HIVEP2: variants seen among roughly 807,000 people sequenced by gnomAD.
The protein encoded by HIVEP2 is HIVEP zinc finger 2, also known as transcription factor HIVEP2.
A neutral mutation model predicts 180.7 loss-of-function variants in HIVEP2; 14 were observed. The ratio of observed to expected loss-of-function variants is 0.08; its 90% CI spans 0.05 to 0.12. HIVEP2 has a LOEUF of 0.12. Among genes scored for constraint, HIVEP2 ranks in the 10% least tolerant of loss-of-function variants. HIVEP2 has a pLI of 1.00. For synonymous variants in HIVEP2, 1,184 were observed against 1,136.4 expected, an observed-to-expected ratio of 1.04 and a Z score of -0.84; for missense variants, 2,579 against 3,008.5, an observed-to-expected ratio of 0.86 and a Z score of 3.34.
intron 2 of HIVEP2, among the ~76,000 whole-genome samples, chr6:142,803,106 C>A (rs910260922): frequency 6.6e-6 from 1 of 152,044 alleles, no homozygotes; most frequent in Non-Finnish European, 1.5e-5. Context: ...TGCATTTGAC[C>A]AGGTCAAGAT....
chr6:142,820,105 A>G lies in HIVEP2; in HGVS notation c.-528+16830T>C, dbSNP rs531025315. On this transcript the variant is annotated intron_variant, in intron 2 of 9. Transcript: ENST00000367603. ...ACATACATCATACCACTTCCCCTATAGAAAAAAGAAAGCAGCCCGATTTAA... is the reference window on the plus strand; with the variant it reads ...ACATACATCATACCACTTCCCCTATGGAAAAAAGAAAGCAGCCCGATTTAA... 2.0e-5 allele frequency among the ~76,000 whole-genome samples: 3 copies of G among 152,288 alleles called. No homozygotes were observed. In the South Asian group the frequency reaches 6.2e-4, roughly 32 times the overall value.
intron 1 of HIVEP2, among the ~76,000 whole-genome samples, chr6:142,920,408 G>T (rs1036352898): frequency 1.3e-5 from 2 of 152,096 alleles, no homozygotes; most frequent in Non-Finnish European, 2.9e-5. Context: ...GTCCACTCTT[G>T]TACTATCCAG....
At chr6:142,918,145 T>C (rs1431452335) in intron 1 of HIVEP2, among the ~76,000 whole-genome samples, 1 of 152,200 alleles carries the variant, frequency 6.6e-6, no homozygotes, top group Non-Finnish European at 1.5e-5. Context: ...TCAGTCTCAA[T>C]ACCTTTTTCC....
At chr6:142,941,911 C>T (rs191871795) in intron 1 of HIVEP2, among the ~76,000 whole-genome samples, 55 of 152,222 alleles carry the variant, frequency 3.6e-4, no homozygotes, top group Admixed American at 1.6e-3. Context: ...CAGAGAGTTC[C>T]GCTGATGCTG....
chr6:142,771,988 T>C lies in HIVEP2; in HGVS notation c.2751A>G (p.Glu917=). 9 of 1,614,222 alleles carry C rather than the reference T, an allele frequency of 5.6e-6. No homozygotes were observed. The highest frequency in any genetic ancestry group is 1.7e-5 in the Admixed American group (1 of 60,028). The change falls in exon 5 of 10, where the codon GAA becomes GAG. Residue 917 remains glutamate (E), a synonymous_variant. Coordinates refer to ENST00000367603, the MANE Select transcript of HIVEP2 (RefSeq NM_006734.4). This position sits in a 1 kb window ranked among gnomAD's most constrained non-coding sequence, Gnocchi z 5.4. ...QSKEPEKPVE[E]FQWPQRSETL... Reference sequence around the variant, plus strand: ...TCTCACTTCTCTGGGGCCACTGAAATTCTTCCACAGGCTTCTCTGGCTCTT... The same window carrying C: ...TCTCACTTCTCTGGGGCCACTGAAACTCTTCCACAGGCTTCTCTGGCTCTT...
intron 1 of HIVEP2, among the ~76,000 whole-genome samples, chr6:142,857,029 T>A (rs1455417880): frequency 3.3e-5 from 5 of 152,224 alleles, no homozygotes; most frequent in Non-Finnish European, 1.5e-5. Context: ...TGATCATTTT[T>A]CTCATGTTGT....
chr6:142,751,919 C>T lies in HIVEP2; in HGVS notation c.*1188G>A, dbSNP rs1774932176. On this transcript the variant is annotated 3_prime_UTR_variant, in exon 10 of 10. Transcript: ENST00000367603. ...GGTCTCCATCTCCTTTTCCCCCTTC[C>T]ACACCCAACCCTCAGAGTCCAAGTG... 6.5e-6 allele frequency: 1 copy of T among 152,992 alleles called. No homozygotes were observed. Among genetic ancestry groups the T allele is most frequent in the Admixed American group, 6.5e-5 (1 of 15,278 alleles). The allele number at this position is 152,992 out of a possible 1,614,324, so 9.5% of individuals were successfully genotyped here.
intron 2 of HIVEP2, among the ~76,000 whole-genome samples, chr6:142,812,934 G>C (rs570911103): frequency 1.1e-4 from 16 of 152,214 alleles, no homozygotes; most frequent in African/African-American, 3.6e-4. Context: ...AAGTGAAACA[G>C]ACAAAATACT....
At chr6:142,885,578 GA>G (rs1324936850) in intron 1 of HIVEP2, among the ~76,000 whole-genome samples, 1 of 152,086 alleles carries the variant, frequency 6.6e-6, no homozygotes, top group African/African-American at 2.4e-5. Context: ...AGTCACCAGA[GA>G]AAATACCCAC....
intron 2 of HIVEP2, among the ~76,000 whole-genome samples, chr6:142,829,421 T>C (rs1304958969): frequency 6.6e-6 from 1 of 152,206 alleles, no homozygotes; most frequent in Non-Finnish European, 1.5e-5. Flanking sequence ...AAATACTTCC[T>C]GCTCCCCAAG....
intron 1 of HIVEP2, among the ~76,000 whole-genome samples, chr6:142,844,633 A>T (rs1443595734): frequency 6.6e-6 from 1 of 152,180 alleles, no homozygotes; most frequent in African/African-American, 2.4e-5. Flanking sequence ...AATTTAGGCA[A>T]TGAATTACGG....
At chr6:142,780,261 G>A (rs113908267) in intron 3 of HIVEP2, among the ~76,000 whole-genome samples, 1 of 152,198 alleles carries the variant, frequency 6.6e-6, no homozygotes, top group Admixed American at 6.5e-5. Flanking sequence ...CTCCTGGGTT[G>A]TGCGGGAAGA....
chr6:142,813,573 GTTTTTTTTTTT>G (rs1197621182), intron 2 of HIVEP2, among the ~76,000 whole-genome samples: 1 of 131,296 alleles, frequency 7.6e-6, no homozygotes, highest in Non-Finnish European at 1.6e-5. Context: ...TCAGTTCAGA[GTTTTTTTTTTT>G]TTTTTTTTGA....
intron 2 of HIVEP2, among the ~76,000 whole-genome samples, chr6:142,834,510 T>C (rs1775174485): frequency 6.6e-6 from 1 of 152,164 alleles, no homozygotes; most frequent in African/African-American, 2.4e-5. Context: ...ATATATCCAA[T>C]GTAGTGACAG....
intron 1 of HIVEP2, among the ~76,000 whole-genome samples, chr6:142,891,702 T>G (rs1323706892): frequency 1.3e-5 from 2 of 152,122 alleles, no homozygotes; most frequent in Non-Finnish European, 2.9e-5. Context: ...ATGAGAGACT[T>G]TGAGTCACTC....
Position 142,787,883 on chromosome 6 carries a change from AG to A in HIVEP2, c.-527-4269del, listed in dbSNP as rs552736580. On this transcript the variant is annotated intron_variant, in intron 2 of 9. Transcript: ENST00000367603. ...TTCATTACTGGGACAACAATGTAGA[AG>A]GTTTTGAAAAGTCAAGAAGGTGCAT... 4.5e-3 allele frequency among the ~76,000 whole-genome samples: 689 copies of A among 152,310 alleles called. 4 individuals are homozygous for A. Among genetic ancestry groups the A allele is most frequent in the African/African-American group, 0.016 (652 of 41,568 alleles).
chr6:142,847,528 T>C (rs1212377955), intron 1 of HIVEP2, among the ~76,000 whole-genome samples: 1 of 152,208 alleles, frequency 6.6e-6, no homozygotes, highest in Non-Finnish European at 1.5e-5. Flanking sequence ...CCAAACTCCT[T>C]ATAAAAACCC....
intron 1 of HIVEP2, among the ~76,000 whole-genome samples, chr6:142,885,366 G>A (rs552834859): frequency 7.0e-4 from 104 of 147,924 alleles, no homozygotes; most frequent in Admixed American, 1.9e-3. Context: ...CCCCATCATC[G>A]CTGGAGAATA....
At chr6:142,848,129 T>C (rs528142558) in intron 1 of HIVEP2, among the ~76,000 whole-genome samples, 11 of 152,346 alleles carry the variant, frequency 7.2e-5, no homozygotes, top group Admixed American at 2.6e-4. Flanking sequence ...AGGATTCCAA[T>C]AGCAAACTTT....
Sources: allele counts gnomAD v4.1 joint callset (sites outside exome capture counted in the v4.1 genomes callset), GRCh38; gene constraint gnomAD v4.1.1; non-coding constraint Gnocchi (gnomAD v3.1); transcripts MANE v1.5; gene names NCBI Gene and HGNC (gene_info 2026-07-23, HGNC 2026-07-21).